KCNMA1: variants seen among roughly 807,000 people sequenced by gnomAD.
The protein encoded by KCNMA1 is potassium calcium-activated channel subfamily M alpha 1.
KCNMA1 carries 29 observed loss-of-function variants against 140.0 expected under a neutral mutation model. The ratio of observed to expected loss-of-function variants is 0.21; its 90% CI spans 0.15 to 0.28. KCNMA1 has a LOEUF of 0.28. KCNMA1 is among the 10% of genes least tolerant of loss of function. KCNMA1 has a pLI of 1.00. For missense variants in KCNMA1, 880 were observed against 1,602.2 expected (o/e 0.55, Z 7.70); for synonymous variants, 612 against 611.9 (o/e 1.00, Z 0.00).
At chr10:77,007,653 G>GCATATATATATATATA (rs1336725087) in intron 18 of KCNMA1, among the ~76,000 whole-genome samples, 7 of 88,482 alleles carry the variant, frequency 7.9e-5, no homozygotes, top group Non-Finnish European at 1.6e-4. Context: ...TTGTGTGTGT[G>GCATATATATATATATA]TATATATATA....
chr10:77,426,341 T>C (rs892687972), intron 1 of KCNMA1, among the ~76,000 whole-genome samples: 3 of 152,186 alleles, frequency 2.0e-5, no homozygotes, highest in Admixed American at 2.0e-4. Context: ...ATGATGACTG[T>C]CTACTGGGTA....
intron 19 of KCNMA1, among the ~76,000 whole-genome samples, chr10:77,000,857 A>AATATATATATAAATAT (rs1555084388): frequency 2.7e-5 from 1 of 36,662 alleles, no homozygotes; most frequent in African/African-American, 9.2e-5. Context: ...GTAAAAAGAA[A>AATATATATATAAATAT]ATATATATAT....
intron 20 of KCNMA1, among the ~76,000 whole-genome samples, chr10:76,965,296 T>C (rs2073429040): frequency 6.6e-6 from 1 of 152,198 alleles, no homozygotes; most frequent in Non-Finnish European, 1.5e-5. Context: ...GAAAACTATG[T>C]ATCCCAGTCC....
chr10:77,594,926 G>A (rs2080340379), intron 1 of KCNMA1, among the ~76,000 whole-genome samples: 1 of 152,200 alleles, frequency 6.6e-6, no homozygotes, highest in African/African-American at 2.4e-5. Context: ...CTTTGATTGT[G>A]TTACATGGCT....
intron 2 of KCNMA1, among the ~76,000 whole-genome samples, chr10:77,377,818 G>A (rs751454942): frequency 7.9e-5 from 12 of 152,200 alleles, no homozygotes; most frequent in South Asian, 2.1e-4. Context: ...CTCTGAGCCC[G>A]AGTTCCCTCC....
intron 5 of KCNMA1, among the ~76,000 whole-genome samples, chr10:77,151,201 TC>T (rs2098412015): frequency 2.4e-5 from 1 of 41,118 alleles, no homozygotes; most frequent in Non-Finnish European, 5.1e-5. Context: ...CCTGTCTCTC[TC>T]TCTCTCTTTC....
At chr10:76,896,835 T>C (rs760959430) in intron 25 of KCNMA1, among the ~76,000 whole-genome samples, 1 of 152,068 alleles carries the variant, frequency 6.6e-6, no homozygotes, top group Non-Finnish European at 1.5e-5. Flanking sequence ...ACTGTAGTGA[T>C]GGCTGTACAT....
chr10:77,132,819 T>C (rs1230672998), intron 5 of KCNMA1, among the ~76,000 whole-genome samples: 1 of 152,140 alleles, frequency 6.6e-6, no homozygotes, highest in Admixed American at 6.5e-5. Flanking sequence ...CCAAGTAATA[T>C]ATACTTAGCC....
rs145785331 is a variant in KCNMA1 at position 77,253,698 on chromosome 10, T to C, written c.541-2442A>G. ...CCCTGGCCCTGAAGACTCTGTTGAATGGACATGCATTTGGGTCCACGTATT... is the reference window on the plus strand; with the variant it reads ...CCCTGGCCCTGAAGACTCTGTTGAACGGACATGCATTTGGGTCCACGTATT... On this transcript the variant is annotated intron_variant, in intron 2 of 27. Coordinates refer to ENST00000286628, the MANE Select transcript of KCNMA1 (RefSeq NM_001161352.2). Among the ~76,000 whole-genome samples the C allele has an allele frequency of 2.4e-3, 369 of 152,346 alleles. 1 individual carries two copies. Among genetic ancestry groups the C allele is most frequent in the Middle Eastern group, 0.01 (3 of 294 alleles).
chr10:77,509,551 T>C (rs920246733), intron 1 of KCNMA1, among the ~76,000 whole-genome samples: 2 of 152,200 alleles, frequency 1.3e-5, no homozygotes, highest in Admixed American at 6.5e-5. Flanking sequence ...CTATGTGTCA[T>C]ATTTTGAGGA....
chr10:77,351,729 C>T (rs1274480075), intron 2 of KCNMA1, among the ~76,000 whole-genome samples: 2 of 152,134 alleles, frequency 1.3e-5, no homozygotes, highest in African/African-American at 4.8e-5. Context: ...CCAAGAGATC[C>T]ACAAATTTCT....
At chr10:77,551,284 T>C (rs2062789888) in intron 1 of KCNMA1, among the ~76,000 whole-genome samples, 1 of 152,236 alleles carries the variant, frequency 6.6e-6, no homozygotes, top group Non-Finnish European at 1.5e-5. Context: ...TTTACCTTCA[T>C]TCTTCTCTCT....
At chr10:77,275,444 G>T (rs1878218) in intron 2 of KCNMA1, among the ~76,000 whole-genome samples, 1 of 152,100 alleles carries the variant, frequency 6.6e-6, no homozygotes, top group Non-Finnish European at 1.5e-5. Context: ...TCACCTAGTC[G>T]TAAGCCTGTA....
intron 2 of KCNMA1, among the ~76,000 whole-genome samples, chr10:77,290,328 C>A (rs963378312): frequency 6.6e-6 from 1 of 152,106 alleles, no homozygotes; most frequent in Admixed American, 6.5e-5. Context: ...AATGAAATAA[C>A]ATATTAAACT....
chr10:77,171,050 C>A (rs2154099676), intron 5 of KCNMA1, among the ~76,000 whole-genome samples: 1 of 152,274 alleles, frequency 6.6e-6, no homozygotes, highest in East Asian at 1.9e-4. Flanking sequence ...ATCCTGGAAA[C>A]TTGCATAGCA....
chr10:77,177,430 CCTT>C (rs1288780567), intron 5 of KCNMA1, among the ~76,000 whole-genome samples: 8 of 150,500 alleles, frequency 5.3e-5, no homozygotes, highest in Non-Finnish European at 1.2e-4. Flanking sequence ...TTCCTTCCTT[CCTT>C]CTTTCCTTTT....
At chr10:76,893,228 T>A (rs2040975348) in intron 25 of KCNMA1, among the ~76,000 whole-genome samples, 1 of 152,158 alleles carries the variant, frequency 6.6e-6, no homozygotes, top group African/African-American at 2.4e-5. Context: ...GACCTACCCA[T>A]GAAGCACTTA....
At chr10:77,478,017 T>A (rs1341841799) in intron 1 of KCNMA1, among the ~76,000 whole-genome samples, 1 of 152,222 alleles carries the variant, frequency 6.6e-6, no homozygotes, top group South Asian at 2.1e-4. Context: ...AGGTACATGA[T>A]ACCCTCTGCC....
intron 29 of KCNMA1, chr10:76,877,992 G>T: frequency 8.6e-7 from 1 of 1,158,042 alleles, no homozygotes; most frequent in Non-Finnish European, 1.3e-6. Context: ...ACGCAAAAAG[G>T]TAATCGATAG....
Sources: gnomAD v4.1 joint callset for allele counts (sites outside exome capture counted in the v4.1 genomes callset) on GRCh38, gnomAD v4.1.1 for gene constraint, MANE v1.5 for transcripts, NCBI Gene and HGNC (gene_info 2026-07-23, HGNC 2026-07-21) for gene names.